CCZ1B: variants seen among roughly 807,000 people sequenced by gnomAD.
CCZ1B encodes vacuolar fusion protein CCZ1 homolog B.
Under a neutral mutation model 58.8 loss-of-function variants are expected in CCZ1B, and 25 were observed. That is an observed-to-expected ratio of 0.43 (90% CI 0.31 to 0.59). The LOEUF (loss-of-function observed/expected upper bound fraction) is 0.59, where lower values mean the gene tolerates loss of function less well. CCZ1B is among the 20% of genes least tolerant of loss of function. The pLI, the probability that CCZ1B is intolerant of heterozygous loss-of-function variation, is 0.12. For synonymous variants in CCZ1B, 66 were observed against 173.2 expected, an observed-to-expected ratio of 0.38 and a Z score of 4.86; for missense variants, 180 against 501.5, an observed-to-expected ratio of 0.36 and a Z score of 6.12.
chr7:6,810,381 A>G (rs1485412327), intron 10 of CCZ1B, among the ~76,000 whole-genome samples: 1 of 148,922 alleles, frequency 6.7e-6, no homozygotes, highest in Non-Finnish European at 1.5e-5. Context: ...GCTCAAATTC[A>G]TTTTCTCTCA....
At chr7:6,823,503 A>G in intron 4 of CCZ1B, 143 bp from the exon 5 acceptor site, 1 of 1,182,648 alleles carries the variant, frequency 8.5e-7, no homozygotes, top group Non-Finnish European at 1.1e-6. Context: ...GCTGAAAAAA[A>G]GTGTTTGCGT....
intron 12 of CCZ1B, among the ~76,000 whole-genome samples, chr7:6,801,903 C>T (rs1268533172): frequency 1.3e-4 from 15 of 119,648 alleles, no homozygotes; most frequent in African/African-American, 4.2e-4. Context: ...CAAAGTTTCA[C>T]GGGAACCTCG....
chr7:6,800,680 G>A (rs1782752299), intron 14 of CCZ1B, among the ~76,000 whole-genome samples: 1 of 142,834 alleles, frequency 7.0e-6, no homozygotes, highest in Non-Finnish European at 1.5e-5. Context: ...AAAAAAAGGG[G>A]GACATTTCTT....
chr7:6,814,198 A>G (rs58202353), intron 8 of CCZ1B, among the ~76,000 whole-genome samples: 25,363 of 134,712 alleles, frequency 0.19, 2,872 homozygotes, highest in South Asian at 0.28. Context: ...TAAAAGTAAA[A>G]TAAAATCCAA....
At chr7:6,820,019 T>A in intron 6 of CCZ1B, 78 bp from the exon 7 acceptor site, 1 of 1,248,192 alleles carries the variant, frequency 8.0e-7, no homozygotes, top group Admixed American at 2.2e-5. Context: ...AAAATAATCT[T>A]ATGTCAGACT....
intron 7 of CCZ1B, among the ~76,000 whole-genome samples, chr7:6,819,284 G>A (rs1268545464): frequency 6.9e-6 from 1 of 145,322 alleles, no homozygotes; most frequent in East Asian, 2.0e-4. Flanking sequence ...TTGCCAGGCT[G>A]GGGTACAGTG....
Position 6,820,040 on chromosome 7 carries a change from G to T in CCZ1B, c.523-99C>A, listed in dbSNP as rs553107553. The stretch of plus-strand genomic sequence containing the variant: ...ATCTTATGTCAGACTCACATTTATG[G>T]TACAATTACATACTAGCAAACAGCA... On this transcript the variant is annotated intron_variant, in intron 6 of 14. Coordinates refer to ENST00000316731, the MANE Select transcript of CCZ1B (RefSeq NM_198097.5). 2.7e-4 allele frequency: 362 copies of T among 1,325,176 alleles called. 21 individuals are homozygous for T. The South Asian group carries it at 4.4e-3, about 16-fold the overall frequency. 82.1% of individuals were successfully genotyped at this position (1,325,176 alleles called of 1,614,324 possible). A position where few individuals can be genotyped will look rare whatever the true frequency, so the allele number is the denominator to read the frequency against.
chr7:6,813,675 T>C (rs1280054742), intron 8 of CCZ1B, among the ~76,000 whole-genome samples: 2 of 149,610 alleles, frequency 1.3e-5, no homozygotes, highest in African/African-American at 2.5e-5. Context: ...AACACAGTGA[T>C]ATCATTTAAA....
intron 7 of CCZ1B, among the ~76,000 whole-genome samples, chr7:6,815,493 C>A (rs1782986238): frequency 1.3e-5 from 2 of 148,616 alleles, no homozygotes; most frequent in Non-Finnish European, 3.0e-5. Flanking sequence ...AGAGATGAGT[C>A]TCGTCTGTCG....
chr7:6,824,843 C>G, intron 1 of CCZ1B, 106 bp from the exon 2 acceptor site: 1 of 1,389,378 alleles, frequency 7.2e-7, no homozygotes, highest in Non-Finnish European at 9.6e-7. Flanking sequence ...ATGCTAATGA[C>G]AAAATAAAAC....
intron 7 of CCZ1B, among the ~76,000 whole-genome samples, chr7:6,819,073 C>T (rs1273685856): frequency 3.2e-5 from 4 of 126,624 alleles, no homozygotes; most frequent in Non-Finnish European, 4.7e-5. Flanking sequence ...TCGCTTGAGG[C>T]CAGGAGTTTG....
At chr7:6,820,941 C>G (rs952772438) in intron 6 of CCZ1B, among the ~76,000 whole-genome samples, 2 of 148,702 alleles carry the variant, frequency 1.3e-5, no homozygotes, top group African/African-American at 2.5e-5. Context: ...AATTAACTCC[C>G]TGCCTTAATG....
chr7:6,799,436 T>G, intron 14 of CCZ1B, 157 bp from the exon 15 acceptor site: 2 of 374,732 alleles, frequency 5.3e-6, no homozygotes, highest in Non-Finnish European at 8.0e-6. Flanking sequence ...TTTTTTTTTT[T>G]TTTTTGTTTG....
intron 7 of CCZ1B, among the ~76,000 whole-genome samples, chr7:6,818,597 A>AAGACAGAC (rs1783048979): frequency 7.8e-6 from 1 of 128,036 alleles, no homozygotes; most frequent in African/African-American, 3.4e-5. Context: ...GACAGACAGA[A>AAGACAGAC]AGAAAGAAAG....
intron 6 of CCZ1B, among the ~76,000 whole-genome samples, chr7:6,820,884 T>C (rs1341304416): frequency 7.1e-6 from 1 of 140,810 alleles, no homozygotes; most frequent in Non-Finnish European, 1.5e-5. Context: ...CATTGCACTC[T>C]AGCCTGGGTG....
intron 7 of CCZ1B, among the ~76,000 whole-genome samples, chr7:6,819,059 T>C (rs1472709127): frequency 2.4e-5 from 3 of 124,296 alleles, no homozygotes; most frequent in Non-Finnish European, 4.8e-5. Context: ...CTGAGGCGGG[T>C]GGATCGCTTG....
chr7:6,812,180 T>G (rs1328447204), intron 9 of CCZ1B, 117 bp from the exon 10 acceptor site: 1 of 1,160,136 alleles, frequency 8.6e-7, no homozygotes, highest in Non-Finnish European at 1.3e-6. Context: ...CAGCTGCTAT[T>G]TGGCAAACAC....
intron 9 of CCZ1B, 24 bp from the exon 10 acceptor site, chr7:6,812,087 C>G (rs1430290916): frequency 1.0e-6 from 1 of 965,926 alleles, no homozygotes; most frequent in African/African-American, 1.7e-5. Flanking sequence ...ACAGACATGA[C>G]TTGATTCAAC....
In CCZ1B at chr7:6,819,148, G is replaced by A. The variant is rs866485110; in HGVS notation, c.698+618C>T. 9.1e-3 allele frequency among the ~76,000 whole-genome samples: 899 copies of A among 98,402 alleles called. 23 individuals are homozygous for A. The highest frequency in any genetic ancestry group is 0.048 in the South Asian group (109 of 2,248). The allele number at this position is 98,402 out of a possible 152,430, so 64.6% of individuals were successfully genotyped here. A position where few individuals can be genotyped will look rare whatever the true frequency, so the allele number is the denominator to read the frequency against. On this transcript the variant is annotated intron_variant, in intron 7 of 14. Coordinates refer to ENST00000316731, the MANE Select transcript of CCZ1B (RefSeq NM_198097.5). ...GAAAAAAAAAAAAAAAAAAAAAAAGGTATAAAAATTCTGCTTTTAACATTT... is the reference window on the plus strand; with the variant it reads ...GAAAAAAAAAAAAAAAAAAAAAAAGATATAAAAATTCTGCTTTTAACATTT...
Sources: gnomAD v4.1 joint callset for allele counts (sites outside exome capture counted in the v4.1 genomes callset) on GRCh38, gnomAD v4.1.1 for gene constraint, MANE v1.5 for transcripts, NCBI Gene and HGNC (gene_info 2026-07-23, HGNC 2026-07-21) for gene names.